The following BLTP1 variants were observed in gnomAD, a reference collection of about 807,000 sequenced individuals.
BLTP1 encodes the protein bridge-like lipid transfer protein family member 1, also known as fragile site-associated protein.
the BLTP1 span, chr4:122,190,103 G>A: frequency 3.7e-6 from 6 of 1,610,080 alleles, no homozygotes; most frequent in East Asian, 2.2e-5. Flanking sequence ...TGTTGTTGCT[G>A]TTTTTTTTAA....
At chr4:122,189,205 T>C in the BLTP1 span, 31 of 808,330 alleles carry the variant, frequency 3.8e-5, no homozygotes, top group Non-Finnish European at 4.6e-5. Flanking sequence ...ATATTAAACA[T>C]TAAGCTTTGT....
chr4:122,168,568 T>C, the BLTP1 span, among the ~76,000 whole-genome samples: 1 of 152,160 alleles, frequency 6.6e-6, no homozygotes, highest in Non-Finnish European at 1.5e-5. Context: ...TCAAAGTATT[T>C]GCTTCCTTTT....
the BLTP1 span, chr4:122,189,015 G>C: frequency 6.1e-6 from 6 of 984,950 alleles, no homozygotes; most frequent in Non-Finnish European, 7.2e-6. Flanking sequence ...ACTTGGTTAA[G>C]AATCTTCTGG....
the BLTP1 span, chr4:122,258,786 G>T: frequency 6.2e-7 from 1 of 1,613,930 alleles, no homozygotes; most frequent in Non-Finnish European, 8.5e-7. Context: ...CTGGAGCTGA[G>T]ATAATGAGGA....
At chr4:122,275,750 CT>C in the BLTP1 span, among the ~76,000 whole-genome samples, 1 of 152,010 alleles carries the variant, frequency 6.6e-6, no homozygotes, top group South Asian at 2.1e-4. Flanking sequence ...TTATTAGTTA[CT>C]GCCAAACTCG....
the BLTP1 span, among the ~76,000 whole-genome samples, chr4:122,233,200 A>AACTATT: frequency 6.6e-6 from 1 of 152,230 alleles, no homozygotes; most frequent in Non-Finnish European, 1.5e-5. Context: ...AACGTTTGAG[A>AACTATT]ACTAGTGCAT....
chr4:122,154,087 G>T, the BLTP1 span: 1 of 980,218 alleles, frequency 1.0e-6, no homozygotes, highest in Non-Finnish European at 1.2e-6. Flanking sequence ...AAAACAGAAC[G>T]TTGCAAACTC....
the BLTP1 span, chr4:122,347,008 A>G: frequency 2.6e-6 from 2 of 765,588 alleles, no homozygotes; most frequent in East Asian, 1.3e-4. Flanking sequence ...AATATAGTTT[A>G]TTCTATAACT....
At chr4:122,331,926 A>G in the BLTP1 span, 1 of 315,596 alleles carries the variant, frequency 3.2e-6, no homozygotes, top group African/African-American at 2.2e-5. Context: ...AAGAAATAAG[A>G]AAGACTGGGA....
chr4:122,168,407 C>T, the BLTP1 span, among the ~76,000 whole-genome samples: 5 of 152,206 alleles, frequency 3.3e-5, no homozygotes, highest in African/African-American at 1.2e-4. Context: ...CATGAAACTT[C>T]CAGAGTCTTT....
At chr4:122,346,077 C>G in the BLTP1 span, 1 of 886,682 alleles carries the variant, frequency 1.1e-6, no homozygotes, top group African/African-American at 1.8e-5. Flanking sequence ...GAAATTTTAG[C>G]TGTGGGAGTC....
At chr4:122,347,038 T>C in the BLTP1 span, 2 of 798,840 alleles carry the variant, frequency 2.5e-6, no homozygotes, top group South Asian at 5.7e-5. Context: ...AATTAGTAAA[T>C]TTATAAGTTA....
chr4:122,331,039 T>C, the BLTP1 span: 1 of 965,816 alleles, frequency 1.0e-6, no homozygotes, highest in Non-Finnish European at 1.2e-6. Context: ...TTTGAGAAAA[T>C]GAAATATTTT....
chr4:122,255,690 T>G, the BLTP1 span, among the ~76,000 whole-genome samples: 10 of 151,800 alleles, frequency 6.6e-5, no homozygotes, highest in Non-Finnish European at 1.2e-4. Flanking sequence ...AGACAAAGAG[T>G]GTGCTCAGAC....
At chr4:122,321,662 CTTT>C in the BLTP1 span, among the ~76,000 whole-genome samples, 1 of 151,848 alleles carries the variant, frequency 6.6e-6, no homozygotes, top group African/African-American at 2.4e-5. Flanking sequence ...TTCATTTCTT[CTTT>C]AATGCTCTTC....
chr4:122,286,683 G>A, the BLTP1 span: 1 of 1,613,816 alleles, frequency 6.2e-7, no homozygotes, highest in Non-Finnish European at 8.5e-7. Context: ...AATATATAAT[G>A]GAAGAACATG....
chr4:122,176,096 A>G, the BLTP1 span, among the ~76,000 whole-genome samples: 1 of 151,954 alleles, frequency 6.6e-6, no homozygotes, highest in Non-Finnish European at 1.5e-5. Flanking sequence ...GAGGTCAGGA[A>G]TTTGAGACCA....
the BLTP1 span, among the ~76,000 whole-genome samples, chr4:122,159,398 G>T: frequency 6.6e-6 from 1 of 151,850 alleles, no homozygotes; most frequent in Non-Finnish European, 1.5e-5. Flanking sequence ...GGGAGGCGGA[G>T]GTTGCAGTGA....
chr4:122,185,611 G>A, the BLTP1 span, among the ~76,000 whole-genome samples: 1 of 152,036 alleles, frequency 6.6e-6, no homozygotes, highest in Non-Finnish European at 1.5e-5. Flanking sequence ...ATGAAAAATT[G>A]TAGTTTCTGT....
Sources: gnomAD v4.1 joint callset for allele counts (sites outside exome capture counted in the v4.1 genomes callset) on GRCh38, gnomAD v4.1.1 for gene constraint, MANE v1.5 for transcripts, NCBI Gene and HGNC (gene_info 2026-07-23, HGNC 2026-07-21) for gene names.